The following OSBPL10 variants were observed in gnomAD, a reference collection of about 807,000 sequenced individuals.
OSBPL10 encodes oxysterol binding protein like 10, also known as oxysterol-binding protein-related protein 10.
Under a neutral mutation model 81.7 loss-of-function variants are expected in OSBPL10, and 49 were observed. That is an observed-to-expected ratio of 0.60 (90% CI 0.48 to 0.76). The LOEUF (loss-of-function observed/expected upper bound fraction) is 0.76, where lower values mean the gene tolerates loss of function less well. Ranked by LOEUF, OSBPL10 falls within the 30% of genes least tolerant of loss-of-function variation. The probability of loss-of-function intolerance (pLI) is 0.00; values close to 1 mark genes in which losing one functional copy is unlikely to be tolerated. For synonymous variants in OSBPL10, 419 were observed against 383.6 expected (o/e 1.09, Z -1.08); for missense variants, 923 against 987.8 (o/e 0.93, Z 0.88).
intron 2 of OSBPL10, among the ~76,000 whole-genome samples, chr3:32,023,056 TCTC>T (rs1279927464): frequency 6.6e-6 from 1 of 152,122 alleles, no homozygotes; most frequent in Non-Finnish European, 1.5e-5. Context: ...GAATCAAACA[TCTC>T]CTGACTTTAG....
intron 2 of OSBPL10, among the ~76,000 whole-genome samples, chr3:31,993,222 A>G (rs1419851132): frequency 7.7e-6 from 1 of 129,862 alleles, no homozygotes; most frequent in African/African-American, 3.1e-5. Context: ...ATTTTATTTT[A>G]TTTTTGAGAC....
At chr3:32,014,893 G>A (rs1447033051) in intron 2 of OSBPL10, among the ~76,000 whole-genome samples, 1 of 152,182 alleles carries the variant, frequency 6.6e-6, no homozygotes, top group African/African-American at 2.4e-5. Context: ...TACAAGGGAT[G>A]TGAAGGACCT....
At chr3:31,701,348 G>C (rs11706597) in intron 7 of OSBPL10, among the ~76,000 whole-genome samples, 13,812 of 152,182 alleles carry the variant, frequency 0.091, 694 homozygotes, top group Non-Finnish European at 0.11. Context: ...TCAGAATCTA[G>C]AACTTCCTTC....
intron 3 of OSBPL10, among the ~76,000 whole-genome samples, chr3:31,856,260 A>G (rs1700911378): frequency 6.6e-6 from 1 of 152,104 alleles, no homozygotes; most frequent in African/African-American, 2.4e-5. Context: ...AAGACAATTA[A>G]AAAAATCCCC....
intron 3 of OSBPL10, among the ~76,000 whole-genome samples, chr3:31,845,195 A>T (rs1213591354): frequency 6.6e-6 from 1 of 152,196 alleles, no homozygotes; most frequent in African/African-American, 2.4e-5. Flanking sequence ...CGGCAATTCT[A>T]ACACTTTCTG....
chr3:31,766,625 C>A (rs1456223470), intron 4 of OSBPL10, among the ~76,000 whole-genome samples: 1 of 152,124 alleles, frequency 6.6e-6, no homozygotes. Context: ...AGGTATGAGC[C>A]ACTGTGCTGG....
chr3:32,004,539 G>A (rs1353346970), intron 2 of OSBPL10, among the ~76,000 whole-genome samples: 1 of 152,188 alleles, frequency 6.6e-6, no homozygotes, highest in Non-Finnish European at 1.5e-5. Context: ...CAAGATATCG[G>A]CTGGAGAACT....
chr3:32,030,135 G>C (rs1465754917), intron 2 of OSBPL10: 1 of 199,232 alleles, frequency 5.0e-6, no homozygotes, highest in Non-Finnish European at 1.0e-5. Context: ...AAGAAAGCAA[G>C]TGATAAAAAT....
At chr3:31,911,364 C>A (rs920853062) in intron 1 of OSBPL10, among the ~76,000 whole-genome samples, 1 of 152,092 alleles carries the variant, frequency 6.6e-6, no homozygotes, top group African/African-American at 2.4e-5. Context: ...TAAAGCTACT[C>A]TCATGGGGGT....
At position 31,884,079 on chromosome 3, in the gene OSBPL10, G is replaced by T. The variant is rs113067482; in HGVS notation, c.282-4249C>A. ...AACAAATAACTATATAATTGAAGAG[G>T]ACATTATTTAGGAGCTGGTATAAAG... On this transcript the variant is annotated intron_variant, in intron 1 of 11. Coordinates refer to ENST00000396556, the MANE Select transcript of OSBPL10 (RefSeq NM_017784.5). Among the ~76,000 whole-genome samples the T allele has an allele frequency of 6.9e-3, 1,058 of 152,244 alleles. 13 individuals are homozygous for T. Among genetic ancestry groups the T allele is most frequent in the African/African-American group, 0.024 (1,012 of 41,526 alleles).
At chr3:32,011,388 T>C (rs1699256834) in intron 2 of OSBPL10, among the ~76,000 whole-genome samples, 1 of 152,128 alleles carries the variant, frequency 6.6e-6, no homozygotes. Context: ...GTCCTGACTG[T>C]TAGAAGGAAA....
intron 8 of OSBPL10, among the ~76,000 whole-genome samples, chr3:31,683,363 G>C (rs2278958): frequency 6.6e-6 from 1 of 152,134 alleles, no homozygotes; most frequent in African/African-American, 2.4e-5. Context: ...AGGTGTGCAC[G>C]CACGCGCGTG....
chr3:31,759,979 C>G (rs914069628), intron 4 of OSBPL10, among the ~76,000 whole-genome samples: 1 of 152,162 alleles, frequency 6.6e-6, no homozygotes, highest in Non-Finnish European at 1.5e-5. Flanking sequence ...CCAGGCTGGT[C>G]TCGAACTCCT....
chr3:31,746,313 G>A (rs1460131309), intron 5 of OSBPL10, among the ~76,000 whole-genome samples: 3 of 152,132 alleles, frequency 2.0e-5, no homozygotes, highest in South Asian at 2.1e-4. Context: ...AATGTGCGTT[G>A]TCTGTCATCC....
At chr3:31,857,999 GT>G (rs11290287) in intron 3 of OSBPL10, among the ~76,000 whole-genome samples, 95,165 of 139,600 alleles carry the variant, frequency 0.68, 32,532 homozygotes, top group East Asian at 0.86. Flanking sequence ...CACAGCCTGT[GT>G]TTTTTTTTTT....
chr3:31,913,005 C>CAT (rs1302593051), intron 1 of OSBPL10, among the ~76,000 whole-genome samples: 1 of 152,160 alleles, frequency 6.6e-6, no homozygotes, highest in African/African-American at 2.4e-5. Context: ...TTTGTACATA[C>CAT]ACACACACAT....
upstream of OSBPL10, among the ~76,000 whole-genome samples, chr3:31,984,412 G>A (rs1304570015): frequency 6.6e-6 from 1 of 151,918 alleles, no homozygotes; most frequent in African/African-American, 2.4e-5. Flanking sequence ...TGATAGATTG[G>A]GTGAGGGATG....
At position 31,724,110 on chromosome 3, in the gene OSBPL10, T is replaced by G. The variant is rs1032081466; in HGVS notation, c.1095+9147A>C. Among the ~76,000 whole-genome samples, 7 of 152,210 alleles carry G rather than the reference T, an allele frequency of 4.6e-5. 2 individuals are homozygous for G. The highest frequency in any genetic ancestry group is 2.0e-4 in the Admixed American group (3 of 15,290). ...TCTTCACCTCTGGTTCAGATCTGACTTTTTCCCTTTGTGGCAACAAAAATG... is the reference window on the plus strand; with the variant it reads ...TCTTCACCTCTGGTTCAGATCTGACGTTTTCCCTTTGTGGCAACAAAAATG... On this transcript the variant is annotated intron_variant, in intron 6 of 11. Coordinates refer to ENST00000396556, the MANE Select transcript of OSBPL10 (RefSeq NM_017784.5).
chr3:31,761,780 A>G (rs1450805053), intron 4 of OSBPL10, among the ~76,000 whole-genome samples: 1 of 145,836 alleles, frequency 6.9e-6, no homozygotes, highest in Non-Finnish European at 1.5e-5. Flanking sequence ...GTGCCACCGC[A>G]CTCCAGCCTG....
Sources: allele counts gnomAD v4.1 joint callset (sites outside exome capture counted in the v4.1 genomes callset), GRCh38; gene constraint gnomAD v4.1.1; transcripts MANE v1.5; gene names NCBI Gene and HGNC (gene_info 2026-07-23, HGNC 2026-07-21).